The following UTP20 variants were observed in gnomAD, a reference collection of about 807,000 sequenced individuals.
UTP20 encodes the protein UTP20 small subunit processome component.
Under a neutral mutation model 329.5 loss-of-function variants are expected in UTP20, and 164 were observed. That is an observed-to-expected ratio of 0.50 (90% confidence interval 0.44 to 0.57). UTP20 has a LOEUF of 0.57. UTP20 is among the 20% of genes least tolerant of loss of function. UTP20 has a pLI of 0.00. For synonymous variants in UTP20, 1,151 were observed against 1,159.3 expected (o/e 0.99, Z 0.14); for missense variants, 3,055 against 3,284.2 (o/e 0.93, Z 1.71).
In UTP20 at chr12:101,328,850, C is replaced by G. The variant is rs985867664; in HGVS notation, c.3209-391C>G. On this transcript the variant is annotated intron_variant, in intron 26 of 61. Transcript: ENST00000261637. ...CCCCAGTGCACTCCAGCCTGGGCGACAGAGTGAGACTCTGTCTCAAAAAAA... is the reference window on the plus strand; with the variant it reads ...CCCCAGTGCACTCCAGCCTGGGCGAGAGAGTGAGACTCTGTCTCAAAAAAA... Among the ~76,000 whole-genome samples, 6 of 136,642 alleles carry G rather than the reference C, an allele frequency of 4.4e-5. No homozygotes were observed. The Admixed American group carries it at 4.7e-4, about 11-fold the overall frequency. 89.6% of individuals were successfully genotyped at this position (136,642 alleles called of 152,430 possible).
chr12:101,299,933 T>C (rs963268129), intron 13 of UTP20, 40 bp from the exon 14 acceptor site: 1 of 1,611,646 alleles, frequency 6.2e-7, no homozygotes, highest in Admixed American at 1.7e-5. Flanking sequence ...AACCATTGAA[T>C]GCCAGTTTGA....
Position 101,317,627 on chromosome 12 carries a change from C to T in UTP20, c.2702C>T (p.Ser901Phe). The change falls in exon 22 of 62, where the codon TCC becomes TTC. Residue 901 changes from serine (S) to phenylalanine (F), a missense_variant. Ser to Phe is a radical substitution (Grantham distance 155). Around this residue, in one of 3 missense-constraint regions of UTP20, gnomAD observed 2,445 missense variants for 2,575.5 expected, o/e 0.95. Transcript: ENST00000261637. ...GAAGAGGCAGTGCCCCAAGATGAAT[C>T]CTCACAGAAGAAAAAGACGAGGAGA... Reference protein sequence around the residue: ...LEEEAVPQDESSQKKKTRRAA... With the variant: ...LEEEAVPQDEFSQKKKTRRAA... 1.2e-6 allele frequency: 2 copies of T among 1,613,494 alleles called. No individual in the cohort carries two copies. The highest frequency in any genetic ancestry group is 2.2e-5 in the South Asian group (2 of 90,914).
At chr12:101,341,350 G>A (rs1020102600) in intron 32 of UTP20, among the ~76,000 whole-genome samples, 3 of 152,082 alleles carry the variant, frequency 2.0e-5, no homozygotes, top group Non-Finnish European at 4.4e-5. Flanking sequence ...TTCAGACACA[G>A]CTAAGTGTTC....
Position 101,386,200 on chromosome 12 carries a change from TAGGGGGG to T in UTP20, c.*81_*87del. 1 of 1,433,914 alleles carries T rather than the reference TAGGGGGG, an allele frequency of 7.0e-7. No individual in the cohort carries two copies. The highest frequency in any genetic ancestry group is 1.3e-5 in the South Asian group (1 of 76,610). The allele number at this position is 1,433,914 out of a possible 1,614,324, so 88.8% of individuals were successfully genotyped here. A position where few individuals can be genotyped will look rare whatever the true frequency, so the allele number is the denominator to read the frequency against. ...TGAAATTACAGTAGGTTGTCTGGGG[TAGGGGGG>T]AGGCGTTTTTTTTTTTTTTTGAGAC... On this transcript the variant is annotated 3_prime_UTR_variant, in exon 62 of 62. Coordinates refer to ENST00000261637, the MANE Select transcript of UTP20 (RefSeq NM_014503.3).
In UTP20 at chr12:101,335,387, G is replaced by T. The variant is rs148376621; in HGVS notation, c.3641+883G>T. Among the ~76,000 whole-genome samples, 77 of 152,114 alleles carry T rather than the reference G, an allele frequency of 5.1e-4. 1 individual carries two copies. The East Asian group carries it at 0.012, about 24-fold the overall frequency. Reference sequence around the variant, plus strand: ...ATAATTATGTCAGCAGTTTGATTTGGCCTGGCAAAGGGAGAAACAGAATGT... The same window carrying T: ...ATAATTATGTCAGCAGTTTGATTTGTCCTGGCAAAGGGAGAAACAGAATGT... On this transcript the variant is annotated intron_variant, in intron 29 of 61. Transcript: ENST00000261637.
At chr12:101,378,515 T>A (rs963171867) in intron 56 of UTP20, among the ~76,000 whole-genome samples, 2 of 152,094 alleles carry the variant, frequency 1.3e-5, no homozygotes, top group African/African-American at 2.4e-5. Context: ...CTTAAGGAGT[T>A]TGAGACCAGC....
chr12:101,281,647 A>G (rs957218372), intron 2 of UTP20, among the ~76,000 whole-genome samples: 3 of 152,156 alleles, frequency 2.0e-5, no homozygotes, highest in African/African-American at 4.8e-5. Flanking sequence ...GCTAGACTAC[A>G]TAATATTTTC....
At position 101,307,198 on chromosome 12, in the gene UTP20, A is replaced by C. The variant is rs913445840; in HGVS notation, c.1995+437A>C. Among the ~76,000 whole-genome samples the C allele has an allele frequency of 5.7e-4, 79 of 139,162 alleles. 1 individual carries two copies. The highest frequency in any genetic ancestry group is 3.8e-4 in the Non-Finnish European group (24 of 63,640). 91.3% of individuals were successfully genotyped at this position (139,162 alleles called of 152,430 possible). A position where few individuals can be genotyped will look rare whatever the true frequency, so the allele number is the denominator to read the frequency against. On this transcript the variant is annotated intron_variant, in intron 17 of 61. Coordinates refer to ENST00000261637, the MANE Select transcript of UTP20 (RefSeq NM_014503.3). ...GTCTCAAAAAAAAAAAAAAAAATTGATTTTTTTTTTTTGGTAACTCTTACT... is the reference window on the plus strand; with the variant it reads ...GTCTCAAAAAAAAAAAAAAAAATTGCTTTTTTTTTTTTGGTAACTCTTACT...
Position 101,352,084 on chromosome 12 carries a change from G to A in UTP20, c.4914G>A (p.Glu1638=). 1 of 1,613,802 alleles carries A rather than the reference G, an allele frequency of 6.2e-7. No individual in the cohort carries two copies. The highest frequency in any genetic ancestry group is 1.3e-5 in the African/African-American group (1 of 75,038). The change falls in exon 39 of 62, where the codon GAG becomes GAA. Residue 1638 remains glutamate (E), a synonymous_variant. Transcript: ENST00000261637. ...AAAATATAACCACTGCTGCCACAGAGATTATTGGAGCCATTTGCAAACATC... is the reference window on the plus strand; with the variant it reads ...AAAATATAACCACTGCTGCCACAGAAATTATTGGAGCCATTTGCAAACATC... ...KHENITTAAT[E]IIGAICKHLS...
chr12:101,318,799 C>T (rs1031569814), intron 22 of UTP20, among the ~76,000 whole-genome samples: 1 of 148,456 alleles, frequency 6.7e-6, no homozygotes, highest in Non-Finnish European at 1.5e-5. Flanking sequence ...CCACTGCACT[C>T]CAGCCTGGGC....
At chr12:101,290,966 C>A in intron 8 of UTP20, 78 bp downstream of exon 8, 1 of 1,441,964 alleles carries the variant, frequency 6.9e-7, no homozygotes, top group Non-Finnish European at 9.4e-7. Flanking sequence ...TTTTGCAAAT[C>A]ACTCCTAGAA....
chr12:101,368,619 C>T (rs1344736660), intron 48 of UTP20, among the ~76,000 whole-genome samples: 6 of 152,148 alleles, frequency 3.9e-5, no homozygotes, highest in Non-Finnish European at 7.3e-5. Context: ...ATTTTGTCCC[C>T]TTACCAATCA....
chr12:101,383,212 A>G lies in UTP20; in HGVS notation c.7828A>G (p.Lys2610Glu). The G allele has an allele frequency of 1.2e-6, 2 of 1,614,190 alleles. No individual in the cohort carries two copies. The highest frequency in any genetic ancestry group is 1.7e-6 in the Non-Finnish European group (2 of 1,180,034). The change falls in exon 59 of 62, where the codon AAG becomes GAG. Residue 2610 changes from lysine (K) to glutamate (E), a missense_variant. Around this residue, in one of 3 missense-constraint regions of UTP20, gnomAD observed 337 missense variants for 345.5 expected, o/e 0.98. Transcript: ENST00000261637. The stretch of plus-strand genomic sequence containing the variant: ...TGACGGAGAAGAGAAGGAAGAGGTG[A>G]AGGAAGAGCTCGGCAGGCCGGCCAC... ...ESDGEEKEEV[K>E]EELGRPATLL...
At chr12:101,359,907 T>C (rs1869857436) in intron 43 of UTP20, among the ~76,000 whole-genome samples, 1 of 152,040 alleles carries the variant, frequency 6.6e-6, no homozygotes, top group African/African-American at 2.4e-5. Flanking sequence ...CCTCCCAGAG[T>C]TGTAGCTCCT....
intron 22 of UTP20, 100 bp downstream of exon 22, chr12:101,317,763 A>G (rs1415733671): frequency 3.5e-5 from 44 of 1,260,620 alleles, no homozygotes; most frequent in Non-Finnish European, 4.6e-5. Flanking sequence ...TCAGATAATT[A>G]TTTACGTAAG....
chr12:101,367,807 C>T lies in UTP20; in HGVS notation c.6268-53C>T. 2.8e-6 allele frequency: 3 copies of T among 1,081,520 alleles called. No homozygotes were observed. The South Asian group carries it at 3.9e-5, about 14-fold the overall frequency. The allele number at this position is 1,081,520 out of a possible 1,614,324, so 67.0% of individuals were successfully genotyped here. On this transcript the variant is annotated intron_variant, in intron 47 of 61. Transcript: ENST00000261637. ...TGAACATCATTTCACATTTACCTAA[C>T]TCATCTGGTCTAATGGGCAACTAAT...
At position 101,305,611 on chromosome 12, in the gene UTP20, TTA is replaced by T. The variant is rs34841818; in HGVS notation, c.1782-287_1782-286del. Reference sequence around the variant, plus strand: ...TAAAATATAAATTAAATAATAAATATTATATATATATATATATAAGTGGCTGT... The same window carrying T: ...TAAAATATAAATTAAATAATAAATATTATATATATATATATAAGTGGCTGT... On this transcript the variant is annotated intron_variant, in intron 15 of 61. Transcript: ENST00000261637. Among the ~76,000 whole-genome samples, 362 of 144,524 alleles carry T rather than the reference TTA, an allele frequency of 2.5e-3. 2 individuals carry two copies. Among genetic ancestry groups the T allele is most frequent in the Middle Eastern group, 0.015 (4 of 274 alleles). 94.8% of individuals were successfully genotyped at this position (144,524 alleles called of 152,430 possible).
At chr12:101,320,783 AC>A (rs1227562551) in intron 23 of UTP20, 68 bp from the exon 24 acceptor site, 1 of 1,342,118 alleles carries the variant, frequency 7.5e-7, no homozygotes, top group African/African-American at 1.5e-5. Context: ...GCAAATAACC[AC>A]AAGTAAATTG....
rs143585998 is a variant in UTP20, at chr12:101,292,008, A to G, written c.1077A>G (p.Thr359=). The G allele has an allele frequency of 1.9e-3, 3,098 of 1,613,990 alleles. 8 individuals are homozygous for G. The highest frequency in any genetic ancestry group is 2.5e-3 in the Non-Finnish European group (2,940 of 1,180,022). The change falls in exon 10 of 62, where the codon ACA becomes ACG. Residue 359 remains threonine (T), a synonymous_variant. Transcript: ENST00000261637. ...SQTLQVASLS[T]SCWETLLDVI... ...CACTGCAAGTAGCCAGTCTCTCCAC[A>G]TCTTGCTGGGAGACCCTCTTGGATG... is the stretch of plus-strand genomic sequence containing the variant.
Sources: allele counts gnomAD v4.1 joint callset (sites outside exome capture counted in the v4.1 genomes callset), GRCh38; gene constraint gnomAD v4.1.1; regional missense constraint gnomAD v4.1.1; transcripts MANE v1.5; gene names NCBI Gene and HGNC (gene_info 2026-07-23, HGNC 2026-07-21).